Variants in NEK6 observed in about 807,000 individuals in gnomAD.
NEK6 encodes the protein serine/threonine-protein kinase Nek6.
Under a neutral mutation model 43.5 loss-of-function variants are expected in NEK6, and 27 were observed. The observed-to-expected ratio is 0.62, with a 90% CI of 0.46 to 0.86. The LOEUF (loss-of-function observed/expected upper bound fraction) is 0.86. NEK6 is among the 40% of genes least tolerant of loss of function. NEK6 has a pLI of 0.00. For synonymous variants in NEK6, 167 were observed against 164.1 expected (o/e 1.02, Z -0.14); for missense variants, 318 against 414.4 (o/e 0.77, Z 2.02).
At chr9:124,346,317 T>A (rs972707318) in intron 8 of NEK6, among the ~76,000 whole-genome samples, 6 of 152,040 alleles carry the variant, frequency 3.9e-5, no homozygotes, top group African/African-American at 1.4e-4. Context: ...CCAGACCTGT[T>A]CATGGACGAA....
At chr9:124,281,178 G>A (rs962016247) in intron 1 of NEK6, among the ~76,000 whole-genome samples, 2 of 152,308 alleles carry the variant, frequency 1.3e-5, no homozygotes, top group Admixed American at 1.3e-4. Flanking sequence ...TCTTCCCTCA[G>A]ACCAGGAAAT....
chr9:124,320,012 A>G (rs1330046435), intron 4 of NEK6, among the ~76,000 whole-genome samples: 1 of 152,248 alleles, frequency 6.6e-6, no homozygotes, highest in Non-Finnish European at 1.5e-5. Flanking sequence ...AGATGGCAAC[A>G]GGGCTCCCTC....
rs894958055 is a variant in NEK6 at position 124,352,982 on chromosome 9, T to G, written c.*2035T>G. 2.6e-5 allele frequency: 4 copies of G among 152,764 alleles called. No homozygotes were observed. Among genetic ancestry groups the G allele is most frequent in the African/African-American group, 9.6e-5 (4 of 41,452 alleles). The allele number at this position is 152,764 out of a possible 1,614,324, so 9.5% of individuals were successfully genotyped here. ...GAGTGTTTGTGAAATGATCATGTCC[T>G]ACTTATTACAAAACCGTAACCCCAA... is the stretch of plus-strand genomic sequence containing the variant. On this transcript the variant is annotated 3_prime_UTR_variant, in exon 10 of 10. Transcript: ENST00000320246.
chr9:124,288,047 T>C (rs1016444165), intron 1 of NEK6, among the ~76,000 whole-genome samples: 2 of 152,216 alleles, frequency 1.3e-5, no homozygotes, highest in African/African-American at 2.4e-5. Context: ...CCTGGGAGGA[T>C]GCAGCAGGAG....
chr9:124,267,163 A>G (rs1831264086), intron 1 of NEK6, among the ~76,000 whole-genome samples: 1 of 152,276 alleles, frequency 6.6e-6, no homozygotes, highest in Non-Finnish European at 1.5e-5. Flanking sequence ...ACTTTTTGGC[A>G]AATGAGCAGG....
chr9:124,313,098 C>T (rs141305694), intron 3 of NEK6, among the ~76,000 whole-genome samples: 101 of 152,284 alleles, frequency 6.6e-4, no homozygotes, highest in African/African-American at 2.3e-3. Context: ...GTAGGTCAAG[C>T]GGCAAAGTCA....
chr9:124,291,014 C>T (rs1019882351), intron 1 of NEK6, among the ~76,000 whole-genome samples: 8 of 152,198 alleles, frequency 5.3e-5, no homozygotes, highest in Non-Finnish European at 8.8e-5. Context: ...TCCGCACCCT[C>T]GTTTTGGAGA....
chr9:124,332,225 G>A (rs1040126382), intron 7 of NEK6, among the ~76,000 whole-genome samples: 4 of 152,254 alleles, frequency 2.6e-5, no homozygotes, highest in Non-Finnish European at 4.4e-5. Flanking sequence ...GCCGTTCCCC[G>A]GGAAGGCTGG....
At chr9:124,314,022 C>T (rs746570947) in intron 4 of NEK6, 37 bp downstream of exon 4, 15 of 1,604,400 alleles carry the variant, frequency 9.3e-6, no homozygotes, top group African/African-American at 4.0e-5. Context: ...TTTGCCTCCT[C>T]GGGGAGGTTC....
At chr9:124,278,496 G>A (rs1470180006) in intron 1 of NEK6, among the ~76,000 whole-genome samples, 2 of 152,142 alleles carry the variant, frequency 1.3e-5, no homozygotes, top group African/African-American at 4.8e-5. Flanking sequence ...GCCCAGGCTA[G>A]CCCACAAGCC....
chr9:124,284,528 T>G (rs1028396912), intron 1 of NEK6, among the ~76,000 whole-genome samples: 64 of 152,378 alleles, frequency 4.2e-4, no homozygotes, highest in African/African-American at 1.4e-3. Context: ...CCCAAAACTA[T>G]GAGCAAAGCT....
At chr9:124,334,013 G>C (rs903722240) in intron 7 of NEK6, among the ~76,000 whole-genome samples, 5 of 152,092 alleles carry the variant, frequency 3.3e-5, no homozygotes, top group Non-Finnish European at 7.4e-5. Context: ...TCCTGACCTC[G>C]TGATCCACCC....
intron 4 of NEK6, among the ~76,000 whole-genome samples, chr9:124,320,064 C>T (rs543955324): frequency 1.3e-5 from 2 of 152,374 alleles, no homozygotes; most frequent in African/African-American, 4.8e-5. Context: ...GCTGCACCTG[C>T]GTCCTCAGCT....
intron 1 of NEK6, among the ~76,000 whole-genome samples, chr9:124,271,784 C>T (rs1831447741): frequency 6.6e-6 from 1 of 152,268 alleles, no homozygotes; most frequent in Non-Finnish European, 1.5e-5. Context: ...AGCGCTGCTG[C>T]CTGTCCACTC....
rs751447348 is a variant in NEK6 at position 124,326,464 on chromosome 9, C to T, written c.514+26C>T. 2 of 1,551,372 alleles carry T rather than the reference C, an allele frequency of 1.3e-6. No individual in the cohort carries two copies. The highest frequency in any genetic ancestry group is 1.8e-6 in the Non-Finnish European group (2 of 1,132,958). ...GTACGTGCCACCCGCCAGGAGCCGC[C>T]CGGAGCCACCTGGAGCCCAGGAAGA... On this transcript the variant is annotated intron_variant, in intron 6 of 9. Coordinates refer to ENST00000320246, the MANE Select transcript of NEK6 (RefSeq NM_014397.6). The surrounding 1 kb of genome is among the most constrained non-coding windows in gnomAD (Gnocchi z 4.5).
intron 1 of NEK6, 76 bp from the exon 2 acceptor site, chr9:124,301,860 A>C: frequency 1.7e-6 from 2 of 1,198,220 alleles, no homozygotes; most frequent in Admixed American, 4.0e-5. Context: ...CATCTGTAAA[A>C]TGGGGTGAGC....
Position 124,312,501 on chromosome 9 carries a change from C to T in NEK6, c.91-8C>T, listed in dbSNP as rs564864682. 49 of 1,611,510 alleles carry T rather than the reference C, an allele frequency of 3.0e-5. No homozygotes were observed. The highest frequency in any genetic ancestry group is 3.4e-5 in the Non-Finnish European group (40 of 1,178,940). ...CTGCTCACGGAGGCCCTCTGTCCCC[C>T]GTTCCAGAGGCATCCCAACACGCTG... On this transcript the variant is annotated splice_region_variant and splice_polypyrimidine_tract_variant and intron_variant, in intron 2 of 9. Coordinates refer to ENST00000320246, the MANE Select transcript of NEK6 (RefSeq NM_014397.6).
At chr9:124,348,546 C>T (rs1226760825) in intron 9 of NEK6, among the ~76,000 whole-genome samples, 3 of 152,198 alleles carry the variant, frequency 2.0e-5, no homozygotes, top group Non-Finnish European at 4.4e-5. Context: ...AGGTGAGTCA[C>T]CTAACCTCCC....
rs368323030 is a variant in NEK6, at chr9:124,292,213, T to G, written c.-29-9723T>G. 1.7e-3 allele frequency: 2,115 copies of G among 1,247,096 alleles called. 5 individuals are homozygous for G. The highest frequency in any genetic ancestry group is 3.8e-3 in the South Asian group (228 of 60,242). 77.3% of individuals were successfully genotyped at this position (1,247,096 alleles called of 1,614,324 possible). On this transcript the variant is annotated intron_variant, in intron 1 of 9. Coordinates refer to ENST00000320246, the MANE Select transcript of NEK6 (RefSeq NM_014397.6). ...GGAGCTCCAGGGACCTTGACCTGGC[T>G]GCACCTCTGCCACCCACCGCTGGCT...
Sources: allele counts gnomAD v4.1 joint callset (sites outside exome capture counted in the v4.1 genomes callset), GRCh38; gene constraint gnomAD v4.1.1; non-coding constraint Gnocchi (gnomAD v3.1); transcripts MANE v1.5; gene names NCBI Gene and HGNC (gene_info 2026-07-23, HGNC 2026-07-21).